Variants in ABCA12 observed in about 807,000 individuals in gnomAD.
The protein encoded by ABCA12 is glucosylceramide transporter ABCA12.
In ABCA12, 156 loss-of-function variants were observed where a neutral mutation model predicts 293.5. The ratio of observed to expected loss-of-function variants is 0.53; its 90% CI spans 0.47 to 0.61. The LOEUF (loss-of-function observed/expected upper bound fraction) is 0.61, where lower values mean the gene tolerates loss of function less well. Ranked by LOEUF, ABCA12 falls within the 20% of genes least tolerant of loss-of-function variation. The pLI, the probability that ABCA12 is intolerant of heterozygous loss-of-function variation, is 0.00. For missense variants in ABCA12, 2,797 were observed against 3,090.2 expected, an observed-to-expected ratio of 0.91 and a Z score of 2.25; for synonymous variants, 1,063 against 1,108.0, an observed-to-expected ratio of 0.96 and a Z score of 0.81.
intron 28 of ABCA12, 125 bp from the exon 29 acceptor site, chr2:214,983,990 GAAATA>G: frequency 1.4e-6 from 1 of 709,024 alleles, no homozygotes; most frequent in South Asian, 1.8e-5. Flanking sequence ...GGCAAACTAT[GAAATA>G]AAATGGTATT....
At chr2:215,114,465 G>T (rs1702645901) in intron 1 of ABCA12, among the ~76,000 whole-genome samples, 1 of 152,162 alleles carries the variant, frequency 6.6e-6, no homozygotes, top group Non-Finnish European at 1.5e-5. Context: ...TCTGGGTGCA[G>T]AAAGTTAGCA....
At position 214,980,520 on chromosome 2, in the gene ABCA12, A is replaced by C; in HGVS notation, c.4703T>G (p.Phe1568Cys). The C allele has an allele frequency of 6.2e-7, 1 of 1,613,910 alleles. No homozygotes were observed. Among genetic ancestry groups the C allele is most frequent in the Non-Finnish European group, 8.5e-7 (1 of 1,179,968 alleles). Residue 1568 changes from phenylalanine to cysteine, a missense_variant, in exon 31 of 53, where the codon TTT becomes TGT. By Grantham distance (205) the Phe-to-Cys change is radical. Around this residue, in one of 3 missense-constraint regions of ABCA12, gnomAD observed 2,130 missense variants for 2,427.0 expected, o/e 0.88. Transcript: ENST00000272895. ...AAGCGTGAGGTGATACCCATCGCCAAAGGCTTCCTTGAGGTAAAATGGGGA... is the reference window on the plus strand; with the variant it reads ...AAGCGTGAGGTGATACCCATCGCCACAGGCTTCCTTGAGGTAAAATGGGGA... ...CGSPFYLKEAFGDGYHLTLTK... is the reference protein window; with the variant it reads ...CGSPFYLKEACGDGYHLTLTK...
chr2:215,052,781 G>T (rs769769993), intron 4 of ABCA12, among the ~76,000 whole-genome samples, 197 bp from the exon 5 acceptor site: 24 of 152,060 alleles, frequency 1.6e-4, no homozygotes, highest in Non-Finnish European at 3.2e-4. Flanking sequence ...ATAAAATTGT[G>T]ATGACTTTGG....
Position 215,054,602 on chromosome 2 carries a change from T to C in ABCA12, c.380A>G (p.Gln127Arg), listed in dbSNP as rs1701384149. The change falls in exon 4 of 53, where the codon CAA becomes CGA. Residue 127 changes from glutamine to arginine, a missense_variant. Around this residue, in one of 3 missense-constraint regions of ABCA12, gnomAD observed 656 missense variants for 638.2 expected, o/e 1.03. Coordinates refer to ENST00000272895, the MANE Select transcript of ABCA12 (RefSeq NM_173076.3). Reference sequence around the variant, plus strand: ...TGATGCATGCCTTCTTTCTGGAACTTGGGTGCTCTGGAATGATAAACTGCT... The same window carrying C: ...TGATGCATGCCTTCTTTCTGGAACTCGGGTGCTCTGGAATGATAAACTGCT... ...KDSSLSFQST[Q>R]VPERRHASLA... is the part of the protein sequence containing the mutation. 6.2e-7 allele frequency: 1 copy of C among 1,612,026 alleles called. No homozygotes were observed. Among genetic ancestry groups the C allele is most frequent in the Non-Finnish European group, 8.5e-7 (1 of 1,178,594 alleles).
At chr2:214,933,422 TG>T (rs1284829468) in intron 52 of ABCA12, among the ~76,000 whole-genome samples, 1 of 152,128 alleles carries the variant, frequency 6.6e-6, no homozygotes. Context: ...CAAGAAGAGT[TG>T]TACATCAAAT....
At chr2:215,051,217 G>C (rs1309836166) in intron 5 of ABCA12, among the ~76,000 whole-genome samples, 2 of 152,142 alleles carry the variant, frequency 1.3e-5, no homozygotes, top group African/African-American at 4.8e-5. Flanking sequence ...TTGATTGGGG[G>C]AAGCTTTAGA....
intron 2 of ABCA12, among the ~76,000 whole-genome samples, chr2:215,106,416 T>C (rs376709885): frequency 2.0e-5 from 3 of 152,174 alleles, no homozygotes; most frequent in East Asian, 3.8e-4. Flanking sequence ...AATGAGTTAT[T>C]GTAATGAACC....
chr2:215,007,857 A>G lies in ABCA12; in HGVS notation c.2473-11T>C, dbSNP rs1700288290. 6.2e-7 allele frequency: 1 copy of G among 1,613,630 alleles called. No homozygotes were observed. Among genetic ancestry groups the G allele is most frequent in the African/African-American group, 1.3e-5 (1 of 74,920 alleles). Reference sequence around the variant, plus strand: ...CAGAGTTACATTGGACTTAATGACAAAGAAACAAAAGAAGTGTGATCCATT... The same window carrying G: ...CAGAGTTACATTGGACTTAATGACAGAGAAACAAAAGAAGTGTGATCCATT... On this transcript the variant is annotated splice_polypyrimidine_tract_variant and intron_variant, in intron 18 of 52. Transcript: ENST00000272895.
chr2:214,980,427 T>C, intron 31 of ABCA12, 56 bp downstream of exon 31: 1 of 1,605,714 alleles, frequency 6.2e-7, no homozygotes, highest in Non-Finnish European at 8.5e-7. Flanking sequence ...TGCTCCTATT[T>C]CATATAAAAC....
chr2:215,037,896 C>T (rs887949048), intron 7 of ABCA12, among the ~76,000 whole-genome samples: 1 of 152,062 alleles, frequency 6.6e-6, no homozygotes, highest in Non-Finnish European at 1.5e-5. Context: ...AAGTAGTAGG[C>T]TTTTGTTAAA....
chr2:215,081,350 C>A (rs1365630995), intron 2 of ABCA12, among the ~76,000 whole-genome samples: 5 of 151,688 alleles, frequency 3.3e-5, no homozygotes, highest in Non-Finnish European at 7.4e-5. Context: ...TGGTGGTGCA[C>A]GCCTGTAGTC....
intron 7 of ABCA12, among the ~76,000 whole-genome samples, chr2:215,040,991 A>G (rs1216421888): frequency 6.6e-6 from 1 of 152,152 alleles, no homozygotes; most frequent in East Asian, 1.9e-4. Flanking sequence ...TGCAGGCCAA[A>G]TCCAGCCCTA....
intron 2 of ABCA12, among the ~76,000 whole-genome samples, chr2:215,066,156 C>T (rs914120301): frequency 2.2e-4 from 33 of 152,122 alleles, no homozygotes; most frequent in African/African-American, 7.2e-4. Flanking sequence ...ATGGCAAGAC[C>T]TTTAAAAGTC....
intron 27 of ABCA12, among the ~76,000 whole-genome samples, 174 bp downstream of exon 27, chr2:214,987,473 A>G (rs990140817): frequency 8.5e-5 from 13 of 152,216 alleles, no homozygotes; most frequent in African/African-American, 3.1e-4. Context: ...TGAGCCCAGA[A>G]AAAGCCACAA....
chr2:215,126,919 T>G (rs1702938010), intron 1 of ABCA12, among the ~76,000 whole-genome samples: 1 of 152,198 alleles, frequency 6.6e-6, no homozygotes, highest in Non-Finnish European at 1.5e-5. Context: ...CTTATTGATG[T>G]AGGCATTTAG....
In ABCA12 at chr2:215,069,190, TAA is replaced by T. The variant is rs11317098; in HGVS notation, c.164-4973_164-4972del. On this transcript the variant is annotated intron_variant, in intron 2 of 52. Transcript: ENST00000272895. ...ATTTTGGAAGGAAAATTCTGACTTTTAAAAAAAAAAATATGGAGTTACTCATT... is the reference window on the plus strand; with the variant it reads ...ATTTTGGAAGGAAAATTCTGACTTTTAAAAAAAAATATGGAGTTACTCATT... Among the ~76,000 whole-genome samples, 1,456 of 149,952 alleles carry T rather than the reference TAA, an allele frequency of 9.7e-3. 18 individuals are homozygous for T. Among genetic ancestry groups the T allele is most frequent in the African/African-American group, 0.034 (1,368 of 40,730 alleles).
intron 24 of ABCA12, 24 bp downstream of exon 24, chr2:214,990,678 C>CT: frequency 1.2e-6 from 2 of 1,610,230 alleles, no homozygotes; most frequent in Non-Finnish European, 1.7e-6. Context: ...ATTTCCCACT[C>CT]TGCCATTCCA....
intron 7 of ABCA12, among the ~76,000 whole-genome samples, chr2:215,037,662 G>A (rs1701020385): frequency 1.3e-5 from 2 of 152,078 alleles, no homozygotes; most frequent in South Asian, 4.1e-4. Context: ...TAGCTTTTAT[G>A]TTACCGATAA....
intron 14 of ABCA12, chr2:215,017,656 TTTG>T: frequency 5.9e-6 from 1 of 170,706 alleles, no homozygotes; most frequent in Non-Finnish European, 1.3e-5. Context: ...TTTTTTTTTT[TTTG>T]AGACGGAGTC....
Sources: gnomAD v4.1 joint callset for allele counts (sites outside exome capture counted in the v4.1 genomes callset) on GRCh38, gnomAD v4.1.1 for gene constraint, gnomAD v4.1.1 regional missense constraint, MANE v1.5 for transcripts, NCBI Gene and HGNC (gene_info 2026-07-23, HGNC 2026-07-21) for gene names.